Variants in SRRM2 observed in about 807,000 individuals in gnomAD.
SRRM2 encodes the protein serine/arginine repetitive matrix protein 2.
SRRM2 carries 30 observed loss-of-function variants against 213.8 expected under a neutral mutation model. The observed-to-expected ratio is 0.14, with a 90% CI of 0.10 to 0.19. SRRM2 has a LOEUF of 0.19. Among genes scored for constraint, SRRM2 ranks in the 10% least tolerant of loss-of-function variants. SRRM2 has a pLI of 1.00. For missense variants in SRRM2, 4,904 were observed against 3,647.0 expected, an observed-to-expected ratio of 1.34 and a Z score of -8.88; for synonymous variants, 2,025 against 1,377.7, an observed-to-expected ratio of 1.47 and a Z score of -10.40.
rs1433409747 is a variant in SRRM2 at position 2,765,985 on chromosome 16, T to C, written c.5457T>C (p.Gly1819=). 6.2e-7 allele frequency: 1 copy of C among 1,613,930 alleles called. No individual in the cohort carries two copies. The highest frequency in any genetic ancestry group is 1.1e-5 in the South Asian group (1 of 91,076). Residue 1819 remains glycine (G), a synonymous_variant, in exon 11 of 15, where the codon GGT becomes GGC. Coordinates refer to ENST00000301740, the MANE Select transcript of SRRM2 (RefSeq NM_016333.4). ...RVTRRRRGGS[G]YHSRSPARQE... is the part of the protein sequence containing the mutation. ...CTCGGCGGCGGAGGGGAGGCTCTGG[T>C]TATCACTCAAGGTCACCTGCCCGGC... is the stretch of plus-strand genomic sequence containing the variant.
chr16:2,757,526 G>A lies in SRRM2; in HGVS notation c.297G>A (p.Leu99=). 1 of 1,614,092 alleles carries A rather than the reference G, an allele frequency of 6.2e-7. No homozygotes were observed. Among genetic ancestry groups the A allele is most frequent in the Non-Finnish European group, 8.5e-7 (1 of 1,180,008 alleles). Residue 99 remains leucine, a synonymous_variant, in exon 3 of 15, where the codon CTG becomes CTA. Coordinates refer to ENST00000301740, the MANE Select transcript of SRRM2 (RefSeq NM_016333.4). ...TGGCGACCTTTCGACTCATGTTGCT[G>A]GAGAAGGATGTGAACCCTGGGGGCA... is the stretch of plus-strand genomic sequence containing the variant. ...EKVATFRLML[L]EKDVNPGGKE... is the part of the protein sequence containing the mutation.
rs776138845 is a variant in SRRM2 at position 2,762,723 on chromosome 16, A to C, written c.2195A>C (p.Asn732Thr). 5.0e-5 allele frequency: 80 copies of C among 1,614,178 alleles called. 1 individual carries two copies. Among genetic ancestry groups the C allele is most frequent in the Admixed American group, 1.7e-4 (10 of 60,018 alleles). ...TCTGGCTCATCTTCAGAGCGGAAAA[A>C]CAAATCCAGAACATCTCAAAGAAGA... ...GRSGSSSERK[N>T]KSRTSQRRSR... Residue 732 changes from asparagine to threonine, a missense_variant, in exon 11 of 15, where the codon AAC becomes ACC. Asn to Thr is a moderately conservative substitution (Grantham distance 65). Coordinates refer to ENST00000301740, the MANE Select transcript of SRRM2 (RefSeq NM_016333.4).
intron 8 of SRRM2, 82 bp downstream of exon 8, chr16:2,759,484 G>A: frequency 6.3e-7 from 1 of 1,599,256 alleles, no homozygotes; most frequent in Non-Finnish European, 8.6e-7. Context: ...TTATGTCCCT[G>A]ACTGGTAAAG....
At chr16:2,759,847 T>G (rs1051516881) in intron 9 of SRRM2, 186 bp downstream of exon 9, 37 of 586,774 alleles carry the variant, frequency 6.3e-5, no homozygotes, top group Non-Finnish European at 9.2e-5. Flanking sequence ...CTTCTCTTTT[T>G]TTTTTTGTTT....
Position 2,771,017 on chromosome 16 carries a change from T to C in SRRM2, c.*150T>C. 1 of 895,600 alleles carries C rather than the reference T, an allele frequency of 1.1e-6. No homozygotes were observed. Among genetic ancestry groups the C allele is most frequent in the South Asian group, 1.7e-5 (1 of 58,260 alleles). The allele number at this position is 895,600 out of a possible 1,614,324, so 55.5% of individuals were successfully genotyped here. A position where few individuals can be genotyped will look rare whatever the true frequency, so the allele number is the denominator to read the frequency against. On this transcript the variant is annotated 3_prime_UTR_variant, in exon 15 of 15. Transcript: ENST00000301740. The stretch of plus-strand genomic sequence containing the variant: ...GAGGGCTCCCTTTCCCTCCCCTTTT[T>C]TTTTTCTTTGTTCCTGTGAAATGTT...
Position 2,765,530 on chromosome 16 carries a change from G to C in SRRM2, c.5002G>C (p.Ala1668Pro). The change falls in exon 11 of 15, where the codon GCT (alanine) becomes CCT (proline). Residue 1668 changes from alanine to proline, a missense_variant. Physicochemically the swap from Ala to Pro is conservative, Grantham distance 27. Coordinates refer to ENST00000301740, the MANE Select transcript of SRRM2 (RefSeq NM_016333.4). ...TGAACATCCGCCCAAATCCAGAACT[G>C]CTCGCAGAGGTTCCAGGTCATCACC... ...SPEHPPKSRT[A>P]RRGSRSSPEP... 1 of 1,614,176 alleles carries C rather than the reference G, an allele frequency of 6.2e-7. No homozygotes were observed. The highest frequency in any genetic ancestry group is 8.5e-7 in the Non-Finnish European group (1 of 1,180,034).
In SRRM2 at chr16:2,771,107, G is replaced by A; in HGVS notation, c.*240G>A. 2 of 553,388 alleles carry A rather than the reference G, an allele frequency of 3.6e-6. No individual in the cohort carries two copies. The highest frequency in any genetic ancestry group is 3.3e-5 in the East Asian group (1 of 30,488). 34.3% of individuals were successfully genotyped at this position (553,388 alleles called of 1,614,324 possible). A position where few individuals can be genotyped will look rare whatever the true frequency, so the allele number is the denominator to read the frequency against. ...GTTTGGGGTGGGAGGGAATGCAGATGGGAGTTGGGGGAGGGGAGGATACAG... is the reference window on the plus strand; with the variant it reads ...GTTTGGGGTGGGAGGGAATGCAGATAGGAGTTGGGGGAGGGGAGGATACAG... On this transcript the variant is annotated 3_prime_UTR_variant, in exon 15 of 15. Transcript: ENST00000301740.
Position 2,765,752 on chromosome 16 carries a change from T to C in SRRM2, c.5224T>C (p.Ser1742Pro). The C allele has an allele frequency of 6.2e-7, 1 of 1,614,108 alleles. No individual in the cohort carries two copies. Residue 1742 changes from serine (S) to proline (P), a missense_variant, in exon 11 of 15, where the codon TCA becomes CCA. Ser to Pro is a moderately conservative substitution (Grantham distance 74, BLOSUM62 -1). Coordinates refer to ENST00000301740, the MANE Select transcript of SRRM2 (RefSeq NM_016333.4). ...SPEPAEKSRS[S>P]RRRRSASSPR... Reference sequence around the variant, plus strand: ...GGAGCCAGCCGAAAAATCGAGGTCTTCACGCCGACGGCGCTCAGCTTCATC... The same window carrying C: ...GGAGCCAGCCGAAAAATCGAGGTCTCCACGCCGACGGCGCTCAGCTTCATC...
rs918596350 is a variant in SRRM2, at chr16:2,758,905, C to G, written c.594-80C>G. The G allele has an allele frequency of 4.5e-6, 7 of 1,544,064 alleles. No homozygotes were observed. The African/African-American group carries it at 9.6e-5, about 21-fold the overall frequency. On this transcript the variant is annotated intron_variant, in intron 5 of 14. Transcript: ENST00000301740. ...TAGGACATTCAAGTGTTTTAGAAACCTTTTTAGGAGAGAGATTGTAAGTGG... is the reference window on the plus strand; with the variant it reads ...TAGGACATTCAAGTGTTTTAGAAACGTTTTTAGGAGAGAGATTGTAAGTGG...
chr16:2,761,095 C>T (rs1449222234), intron 10 of SRRM2, among the ~76,000 whole-genome samples: 2 of 152,178 alleles, frequency 1.3e-5, no homozygotes, highest in Admixed American at 6.5e-5. Context: ...TTTTAATAGT[C>T]TGGTCTTTTT....
Position 2,756,679 on chromosome 16 carries a change from G to A in SRRM2, c.242+73G>A, listed in dbSNP as rs1352321259. The stretch of plus-strand genomic sequence containing the variant: ...GGGGGTGTTAGGTGGGATGTATAGG[G>A]AGCTTAGGGTGGTTGAAAGAGGCCT... On this transcript the variant is annotated intron_variant, in intron 2 of 14. Coordinates refer to ENST00000301740, the MANE Select transcript of SRRM2 (RefSeq NM_016333.4). 5.2e-6 allele frequency: 8 copies of A among 1,528,564 alleles called. No homozygotes were observed. The African/African-American group carries it at 1.1e-4, about 21-fold the overall frequency. The allele number at this position is 1,528,564 out of a possible 1,614,324, so 94.7% of individuals were successfully genotyped here.
chr16:2,763,938 G>T lies in SRRM2; in HGVS notation c.3410G>T (p.Arg1137Met). The change falls in exon 11 of 15, where the codon AGG (arginine) becomes ATG (methionine). Residue 1137 changes from arginine to methionine, a missense_variant. Physicochemically the swap from Arg to Met is moderately conservative, Grantham distance 91 (BLOSUM62 -1). Coordinates refer to ENST00000301740, the MANE Select transcript of SRRM2 (RefSeq NM_016333.4). ...LKSGMSPEQSRFQSDSSSYPT... is the reference protein window; with the variant it reads ...LKSGMSPEQSMFQSDSSSYPT... ...TCTGGAATGTCTCCTGAGCAGAGCA[G>T]GTTCCAGTCTGACTCTTCTTCATAT... 6.2e-7 allele frequency: 1 copy of T among 1,614,206 alleles called. No homozygotes were observed. The highest frequency in any genetic ancestry group is 1.1e-5 in the South Asian group (1 of 91,086).
At position 2,763,700 on chromosome 16, in the gene SRRM2, A is replaced by G. The variant is rs1212885524; in HGVS notation, c.3172A>G (p.Lys1058Glu). 2 of 1,614,202 alleles carry G rather than the reference A, an allele frequency of 1.2e-6. No homozygotes were observed. Among genetic ancestry groups the G allele is most frequent in the South Asian group, 2.2e-5 (2 of 91,084 alleles). The change falls in exon 11 of 15, where the codon AAA becomes GAA. Residue 1058 changes from lysine (K) to glutamate (E), a missense_variant. Coordinates refer to ENST00000301740, the MANE Select transcript of SRRM2 (RefSeq NM_016333.4). ...SYFGVSSLQL[K>E]GQSQTSPDHR... is the part of the protein sequence containing the mutation. ...TTTTGGTGTCTCATCTCTGCAACTGAAAGGACAATCTCAAACTTCACCAGA... is the reference window on the plus strand; with the variant it reads ...TTTTGGTGTCTCATCTCTGCAACTGGAAGGACAATCTCAAACTTCACCAGA...
rs752409211 is a variant in SRRM2 at position 2,766,975 on chromosome 16, G to A, written c.6447G>A (p.Leu2149=). The A allele has an allele frequency of 5.0e-6, 8 of 1,613,990 alleles. No individual in the cohort carries two copies. Among genetic ancestry groups the A allele is most frequent in the Non-Finnish European group, 5.9e-6 (7 of 1,180,030 alleles). The part of the protein sequence containing the change: ...LGSSRTPMSV[L]QQAGGSMMDG... ...GCTCTAGAACACCCATGTCTGTCCT[G>A]CAGCAAGCCGGCGGCTCCATGATGG... The change falls in exon 11 of 15, where the codon CTG becomes CTA. Residue 2149 remains leucine (L), a synonymous_variant. Coordinates refer to ENST00000301740, the MANE Select transcript of SRRM2 (RefSeq NM_016333.4). The surrounding 1 kb of genome is among the most constrained non-coding windows in gnomAD (Gnocchi z 7.0).
Position 2,770,158 on chromosome 16 carries a change from G to C in SRRM2, c.8022-194G>C, listed in dbSNP as rs1317201057. 4 of 1,437,550 alleles carry C rather than the reference G, an allele frequency of 2.8e-6. No individual in the cohort carries two copies. In the East Asian group the frequency reaches 1.0e-4, roughly 36 times the overall value. 89.0% of individuals were successfully genotyped at this position (1,437,550 alleles called of 1,614,324 possible). On this transcript the variant is annotated intron_variant, in intron 12 of 14. Transcript: ENST00000301740. Reference sequence around the variant, plus strand: ...TGTCTTTATCTTTGCATCCCCCGCTGCACCCTGTGCCTGCCCACTGGGCAC... The same window carrying C: ...TGTCTTTATCTTTGCATCCCCCGCTCCACCCTGTGCCTGCCCACTGGGCAC...
At chr16:2,755,774 G>C (rs1281862417) in intron 1 of SRRM2, among the ~76,000 whole-genome samples, 2 of 152,168 alleles carry the variant, frequency 1.3e-5, no homozygotes, top group African/African-American at 4.8e-5. Context: ...ATACCTAGGG[G>C]CTGTGTAGTT....
intron 3 of SRRM2, 37 bp downstream of exon 3, chr16:2,757,616 T>C (rs775576940): frequency 1.3e-6 from 2 of 1,592,804 alleles, no homozygotes; most frequent in African/African-American, 1.4e-5. Flanking sequence ...CTCTGGACTC[T>C]ACTCTGGCTG....
intron 12 of SRRM2, 26 bp downstream of exon 12, chr16:2,769,310 AAGGT>A: frequency 1.3e-6 from 2 of 1,535,390 alleles, no homozygotes; most frequent in Non-Finnish European, 1.8e-6. Context: ...CCTGAGTTGA[AAGGT>A]GGGTGGGGGA....
chr16:2,758,424 ATGTT>A, intron 4 of SRRM2, 42 bp from the exon 5 acceptor site: 2 of 1,444,040 alleles, frequency 1.4e-6, no homozygotes, highest in Non-Finnish European at 1.9e-6. Flanking sequence ...AAAGAAAGGA[ATGTT>A]TGTTCTACCA....
Sources: gnomAD v4.1 joint callset for allele counts (sites outside exome capture counted in the v4.1 genomes callset) on GRCh38, gnomAD v4.1.1 for gene constraint, Gnocchi (gnomAD v3.1) non-coding constraint, MANE v1.5 for transcripts, NCBI Gene and HGNC (gene_info 2026-07-23, HGNC 2026-07-21) for gene names.